LRP1: variants seen among roughly 807,000 people sequenced by gnomAD.
The protein encoded by LRP1 is LDL receptor related protein 1.
LRP1 carries 51 observed loss-of-function variants against 541.5 expected under a neutral mutation model. That is an observed-to-expected ratio of 0.09 (90% CI 0.08 to 0.12). The LOEUF is 0.12. LRP1 is among the 10% of genes least tolerant of loss of function. LRP1 has a pLI of 1.00. For missense variants in LRP1, 3,878 were observed against 6,376.2 expected (o/e 0.61, Z 13.34); for synonymous variants, 2,219 against 2,470.8 (o/e 0.90, Z 3.02).
chr12:57,180,513 G>C (rs1211681439), intron 32 of LRP1, 34 bp downstream of exon 32: 2 of 1,612,718 alleles, frequency 1.2e-6, no homozygotes, highest in East Asian at 2.2e-5. Flanking sequence ...AGATGACGCA[G>C]AGCAGGCCAG....
Position 57,169,261 on chromosome 12 carries a change from C to T in LRP1, c.3117C>T (p.Asp1039=). ...ACTGGACCTGCGATGGGGACAATGACTGCGGAGACTACAGTGATGAGACAC... is the reference window on the plus strand; with the variant it reads ...ACTGGACCTGCGATGGGGACAATGATTGCGGAGACTACAGTGATGAGACAC... The part of the protein sequence containing the change: ...PEHWTCDGDN[D]CGDYSDETHA... The change falls in exon 20 of 89, where the codon GAC becomes GAT. Residue 1039 remains aspartate (D), a synonymous_variant. Transcript: ENST00000243077. 1 of 1,613,812 alleles carries T rather than the reference C, an allele frequency of 6.2e-7. No individual in the cohort carries two copies. The highest frequency in any genetic ancestry group is 8.5e-7 in the Non-Finnish European group (1 of 1,179,904).
At chr12:57,148,993 C>T (rs747699937) in intron 6 of LRP1, 14 of 657,122 alleles carry the variant, frequency 2.1e-5, no homozygotes, top group Non-Finnish European at 3.6e-5. Context: ...TGTGTGTTTT[C>T]GAAATCACAA....
intron 18 of LRP1, 96 bp from the exon 19 acceptor site, chr12:57,167,348 C>A: frequency 2.2e-6 from 2 of 918,128 alleles, no homozygotes; most frequent in Non-Finnish European, 3.6e-6. Context: ...GGGCTAAGGG[C>A]TGCTGGTTAT....
In LRP1 at chr12:57,165,612, C is replaced by T. The variant is rs969961093; in HGVS notation, c.2531-193C>T. On this transcript the variant is annotated intron_variant, in intron 15 of 88. Coordinates refer to ENST00000243077, the MANE Select transcript of LRP1 (RefSeq NM_002332.3). The surrounding 1 kb of genome is among the most constrained non-coding windows in gnomAD (Gnocchi z 4.5). Reference sequence around the variant, plus strand: ...TACAGTAAGCATTAAGTAGAGTAAACATCACTATTGTTGCTTGGGAAAGAA... The same window carrying T: ...TACAGTAAGCATTAAGTAGAGTAAATATCACTATTGTTGCTTGGGAAAGAA... The T allele has an allele frequency of 5.0e-6, 3 of 599,068 alleles. No homozygotes were observed. In the African/African-American group the frequency reaches 5.6e-5, roughly 11 times the overall value. The allele number at this position is 599,068 out of a possible 1,614,324, so 37.1% of individuals were successfully genotyped here. A position where few individuals can be genotyped will look rare whatever the true frequency, so the allele number is the denominator to read the frequency against.
chr12:57,177,377 C>T lies in LRP1; in HGVS notation c.4197-50C>T, dbSNP rs755863622. On this transcript the variant is annotated intron_variant, in intron 25 of 88. Coordinates refer to ENST00000243077, the MANE Select transcript of LRP1 (RefSeq NM_002332.3). This position sits in a 1 kb window ranked among gnomAD's most constrained non-coding sequence, Gnocchi z 6.8. ...TCTACCTACGATCCCACCACAGTCGCTCCCTGAGGGCCCTGACTTTAGCCC... is the reference window on the plus strand; with the variant it reads ...TCTACCTACGATCCCACCACAGTCGTTCCCTGAGGGCCCTGACTTTAGCCC... 3 of 1,564,390 alleles carry T rather than the reference C, an allele frequency of 1.9e-6. No homozygotes were observed. The highest frequency in any genetic ancestry group is 2.7e-5 in the African/African-American group (2 of 74,064).
chr12:57,128,975 C>A lies in LRP1; in HGVS notation c.11C>A (p.Pro4Gln). 6.4e-7 allele frequency: 1 copy of A among 1,551,078 alleles called. No individual in the cohort carries two copies. The highest frequency in any genetic ancestry group is 1.2e-5 in the South Asian group (1 of 83,990). ...GCATCAGCCCACACCATGCTGACCC[C>A]GCCGTTGCTCCTGCTGCTGCCCCTG... MLT[P>Q]PLLLLLPLLS... is the part of the protein sequence containing the mutation. Residue 4 changes from proline (P) to glutamine (Q), a missense_variant, in exon 1 of 89, where the codon CCG becomes CAG. This residue lies in a region of LRP1 where 293 missense variants were observed against 403.7 expected (regional missense o/e 0.73). Transcript: ENST00000243077.
Position 57,183,640 on chromosome 12 carries a change from C to G in LRP1, c.5794+130C>G. 2 of 1,473,974 alleles carry G rather than the reference C, an allele frequency of 1.4e-6. No individual in the cohort carries two copies. Among genetic ancestry groups the G allele is most frequent in the Non-Finnish European group, 1.8e-6 (2 of 1,089,786 alleles). 91.3% of individuals were successfully genotyped at this position (1,473,974 alleles called of 1,614,324 possible). On this transcript the variant is annotated intron_variant, in intron 35 of 88. Transcript: ENST00000243077. This position sits in a 1 kb window ranked among gnomAD's most constrained non-coding sequence, Gnocchi z 6.1. ...GTGGGGCACTTGCTACAGCTGCCAC[C>G]CTGACTCCACCTCCCCTTCAAGCAC...
In LRP1 at chr12:57,203,448, C is replaced by T. The variant is rs774903106; in HGVS notation, c.10878C>T (p.Ile3626=). Residue 3626 remains isoleucine (I), a synonymous_variant, in exon 70 of 89, where the codon ATC becomes ATT. Coordinates refer to ENST00000243077, the MANE Select transcript of LRP1 (RefSeq NM_002332.3). The part of the protein sequence containing the change: ...DQFQCKSGHC[I]PLRWRCDADA... ...TCCAGTGCAAGAGCGGCCACTGCAT[C>T]CCCCTGCGCTGGCGCTGTGACGCAG... The T allele has an allele frequency of 1.5e-5, 24 of 1,604,274 alleles. No homozygotes were observed. The Middle Eastern group carries it at 5.0e-4, about 33-fold the overall frequency.
In LRP1 at chr12:57,208,020, C is replaced by T. The variant is rs373067219; in HGVS notation, c.11860-18C>T. On this transcript the variant is annotated intron_variant, in intron 76 of 88. Transcript: ENST00000243077. ...GGAAGACAAAGCAGTGGCCCCTGAA[C>T]CTGTGGCTTCCATTCAGATTTCAGG... is the stretch of plus-strand genomic sequence containing the variant. The T allele has an allele frequency of 1.2e-4, 192 of 1,612,188 alleles. No individual in the cohort carries two copies. The highest frequency in any genetic ancestry group is 1.6e-4 in the Non-Finnish European group (188 of 1,178,828).
chr12:57,176,881 T>TG (rs2036058156), intron 24 of LRP1, among the ~76,000 whole-genome samples, 160 bp from the exon 25 acceptor site: 1 of 148,774 alleles, frequency 6.7e-6, no homozygotes, highest in Admixed American at 6.7e-5. Flanking sequence ...AAAAAAAAGT[T>TG]GGGGAGACAA....
chr12:57,205,858 C>A lies in LRP1; in HGVS notation c.11590+181C>A. 3 of 904,568 alleles carry A rather than the reference C, an allele frequency of 3.3e-6. No individual in the cohort carries two copies. Among genetic ancestry groups the A allele is most frequent in the Non-Finnish European group, 4.9e-6 (3 of 613,704 alleles). 56.0% of individuals were successfully genotyped at this position (904,568 alleles called of 1,614,324 possible). A position where few individuals can be genotyped will look rare whatever the true frequency, so the allele number is the denominator to read the frequency against. On this transcript the variant is annotated intron_variant, in intron 75 of 88. Transcript: ENST00000243077. The surrounding 1 kb of genome is among the most constrained non-coding windows in gnomAD (Gnocchi z 4.6). The stretch of plus-strand genomic sequence containing the variant: ...CCAGCAGTGGGGGCAGGTCCTGGGG[C>A]TGGCTGACTGAAGGAGTCTGGGGTG...
chr12:57,191,244 G>A (rs1457740328), intron 43 of LRP1, 76 bp from the exon 44 acceptor site: 6 of 1,429,416 alleles, frequency 4.2e-6, no homozygotes, highest in Admixed American at 4.2e-5. Flanking sequence ...TCAGAGGCCA[G>A]GCCAGGCTGT....
rs757759198 is a variant in LRP1 at position 57,145,428 on chromosome 12, G to A, written c.779G>A (p.Arg260His). 45 of 1,613,970 alleles carry A rather than the reference G, an allele frequency of 2.8e-5. No individual in the cohort carries two copies. The highest frequency in any genetic ancestry group is 1.5e-4 in the Admixed American group (9 of 60,006). Reference sequence around the variant, plus strand: ...GCTCAGACGCAGCTCAAGTGTGCCCGCATGCCTGGCCTAAAGGGCTTCGTG... The same window carrying A: ...GCTCAGACGCAGCTCAAGTGTGCCCACATGCCTGGCCTAAAGGGCTTCGTG... ...SAAQTQLKCA[R>H]MPGLKGFVDE... Residue 260 changes from arginine (R) to histidine (H), a missense_variant, in exon 6 of 89, where the codon CGC becomes CAC. This residue lies in a region of LRP1 where 293 missense variants were observed against 403.7 expected (regional missense o/e 0.73). Coordinates refer to ENST00000243077, the MANE Select transcript of LRP1 (RefSeq NM_002332.3).
intron 1 of LRP1, among the ~76,000 whole-genome samples, chr12:57,136,395 G>C (rs1592599675): frequency 4.0e-5 from 4 of 99,100 alleles, no homozygotes; most frequent in East Asian, 2.9e-4. Flanking sequence ...CCTCCTAAGA[G>C]CCCCCCCCCC....
Position 57,183,886 on chromosome 12 carries a change from G to T in LRP1, c.5906G>T (p.Gly1969Val). Reference sequence around the variant, plus strand: ...ACCAATGGCATTGGCCGTGTGGAGGGCATTGCAGTGGACTGGATCGCAGGT... The same window carrying T: ...ACCAATGGCATTGGCCGTGTGGAGGTCATTGCAGTGGACTGGATCGCAGGT... ...VVTNGIGRVE[G>V]IAVDWIAGNI... Residue 1969 changes from glycine to valine, a missense_variant, in exon 36 of 89, where the codon GGC becomes GTC. Gly to Val is a moderately radical substitution (Grantham distance 109). This residue lies in a region of LRP1 where 394 missense variants were observed against 635.9 expected (regional missense o/e 0.62). Transcript: ENST00000243077. The surrounding 1 kb of genome is among the most constrained non-coding windows in gnomAD (Gnocchi z 6.1). 6.2e-7 allele frequency: 1 copy of T among 1,614,200 alleles called. No homozygotes were observed. Among genetic ancestry groups the T allele is most frequent in the Non-Finnish European group, 8.5e-7 (1 of 1,180,048 alleles).
At chr12:57,167,340 G>A (rs1414548975) in intron 18 of LRP1, 104 bp from the exon 19 acceptor site, 23 of 865,696 alleles carry the variant, frequency 2.7e-5, no homozygotes, top group Non-Finnish European at 4.5e-5. Flanking sequence ...TCCTGACTGG[G>A]CTAAGGGCTG....
In LRP1 at chr12:57,211,407, C is replaced by T. The variant is rs955545468; in HGVS notation, c.13091+57C>T. 1.2e-6 allele frequency: 2 copies of T among 1,609,042 alleles called. No individual in the cohort carries two copies. Among genetic ancestry groups the T allele is most frequent in the African/African-American group, 1.3e-5 (1 of 74,884 alleles). ...AGCTGGGCCCCTGCCCTGTCCTAGCCCTGCCCTGCCCCTCCCTTCCTCAGC... is the reference window on the plus strand; with the variant it reads ...AGCTGGGCCCCTGCCCTGTCCTAGCTCTGCCCTGCCCCTCCCTTCCTCAGC... On this transcript the variant is annotated intron_variant, in intron 84 of 88. Coordinates refer to ENST00000243077, the MANE Select transcript of LRP1 (RefSeq NM_002332.3). This position sits in a 1 kb window ranked among gnomAD's most constrained non-coding sequence, Gnocchi z 4.3.
intron 2 of LRP1, among the ~76,000 whole-genome samples, chr12:57,139,599 T>C (rs2035244518): frequency 6.6e-6 from 1 of 152,130 alleles, no homozygotes; most frequent in Admixed American, 6.5e-5. Flanking sequence ...CAATTTGCTG[T>C]AAACCTCACC....
Position 57,162,713 on chromosome 12 carries a change from G to C in LRP1, c.2405-145G>C. On this transcript the variant is annotated intron_variant, in intron 14 of 88. Coordinates refer to ENST00000243077, the MANE Select transcript of LRP1 (RefSeq NM_002332.3). The surrounding 1 kb of genome is among the most constrained non-coding windows in gnomAD (Gnocchi z 5.2). ...ATTTCCCTTCCTGCCCCATGTCTGTGTCTCCTGTTCTTCAACATGATCTTC... is the reference window on the plus strand; with the variant it reads ...ATTTCCCTTCCTGCCCCATGTCTGTCTCTCCTGTTCTTCAACATGATCTTC... 2.8e-6 allele frequency: 3 copies of C among 1,082,816 alleles called. No individual in the cohort carries two copies. The highest frequency in any genetic ancestry group is 4.0e-6 in the Non-Finnish European group (3 of 753,752). The allele number at this position is 1,082,816 out of a possible 1,614,324, so 67.1% of individuals were successfully genotyped here.
Sources: gnomAD v4.1 joint callset for allele counts (sites outside exome capture counted in the v4.1 genomes callset) on GRCh38, gnomAD v4.1.1 for gene constraint, gnomAD v4.1.1 regional missense constraint, Gnocchi (gnomAD v3.1) non-coding constraint, MANE v1.5 for transcripts, NCBI Gene and HGNC (gene_info 2026-07-23, HGNC 2026-07-21) for gene names.